Variants in PPFIA2 observed in about 807,000 individuals in gnomAD.
The protein encoded by PPFIA2 is liprin-alpha-2.
In PPFIA2, 46 loss-of-function variants were observed where a neutral mutation model predicts 175.5. That is an observed-to-expected ratio of 0.26 (90% CI 0.21 to 0.34). The LOEUF is 0.34. Ranked by LOEUF, PPFIA2 falls within the 10% of genes least tolerant of loss-of-function variation. PPFIA2 has a pLI of 1.00. For synonymous variants in PPFIA2, 568 were observed against 511.4 expected (o/e 1.11, Z -1.49); for missense variants, 1,179 against 1,506.1 (o/e 0.78, Z 3.60).
At chr12:81,506,999 C>T (rs1031567355) in intron 4 of PPFIA2, among the ~76,000 whole-genome samples, 1 of 152,216 alleles carries the variant, frequency 6.6e-6, no homozygotes, top group Non-Finnish European at 1.5e-5. Context: ...TACACACTAA[C>T]TTCCCTCATA....
At chr12:81,548,226 G>A (rs1429458288) in intron 4 of PPFIA2, among the ~76,000 whole-genome samples, 1 of 152,060 alleles carries the variant, frequency 6.6e-6, no homozygotes, top group Non-Finnish European at 1.5e-5. Context: ...TCTATTTACT[G>A]CCTATATAGT....
At chr12:81,669,502 T>A (rs1386956483) in intron 4 of PPFIA2, among the ~76,000 whole-genome samples, 1 of 151,966 alleles carries the variant, frequency 6.6e-6, no homozygotes, top group Non-Finnish European at 1.5e-5. Context: ...CTATGTAAAG[T>A]TTATATTCTA....
At chr12:81,492,658 T>C (rs768677191) in intron 4 of PPFIA2, among the ~76,000 whole-genome samples, 2 of 151,946 alleles carry the variant, frequency 1.3e-5, no homozygotes, top group Non-Finnish European at 2.9e-5. Flanking sequence ...GAAGGAGCCA[T>C]GAAGAGGAGA....
chr12:81,743,411 CAAAAAAAAAAAAAAAAAAAA>C (rs772497730), intron 3 of PPFIA2, among the ~76,000 whole-genome samples: 2 of 24,852 alleles, frequency 8.0e-5, no homozygotes, highest in East Asian at 3.1e-3. Context: ...GACTCCGTCT[CAAAAAAAAAAAAAAAAAAAA>C]AAAAAAAAAA....
chr12:81,467,939 T>C (rs936085984), intron 4 of PPFIA2, among the ~76,000 whole-genome samples: 18 of 152,134 alleles, frequency 1.2e-4, no homozygotes, highest in African/African-American at 3.9e-4. Context: ...TGCTCTAAGT[T>C]TGAGTGGCTG....
chr12:81,556,691 T>C (rs2068931447), intron 4 of PPFIA2, among the ~76,000 whole-genome samples: 1 of 151,660 alleles, frequency 6.6e-6, no homozygotes, highest in African/African-American at 2.4e-5. Context: ...GGTTGTGGAG[T>C]ATTAAAAAAA....
chr12:81,409,805 T>A (rs1357222512), intron 7 of PPFIA2, among the ~76,000 whole-genome samples: 2 of 152,136 alleles, frequency 1.3e-5, no homozygotes, highest in African/African-American at 4.8e-5. Context: ...ACTCACTATG[T>A]ACAAGTACTG....
chr12:81,547,454 C>G (rs1029920885), intron 4 of PPFIA2, among the ~76,000 whole-genome samples: 2 of 151,950 alleles, frequency 1.3e-5, no homozygotes, highest in Admixed American at 1.3e-4. Flanking sequence ...CCACTCACCG[C>G]AACCTCTGCC....
At chr12:81,649,658 G>C (rs1369404854) in intron 4 of PPFIA2, among the ~76,000 whole-genome samples, 1 of 152,018 alleles carries the variant, frequency 6.6e-6, no homozygotes, top group Non-Finnish European at 1.5e-5. Flanking sequence ...CTATCAAATG[G>C]CAACTGGATA....
intron 4 of PPFIA2, among the ~76,000 whole-genome samples, chr12:81,488,117 T>C (rs2059030271): frequency 6.6e-6 from 1 of 151,930 alleles, no homozygotes; most frequent in African/African-American, 2.4e-5. Context: ...GGAGGTTTGA[T>C]GGTCTATATT....
At chr12:81,494,839 C>G (rs2059849523) in intron 4 of PPFIA2, among the ~76,000 whole-genome samples, 1 of 149,360 alleles carries the variant, frequency 6.7e-6, no homozygotes, top group African/African-American at 2.5e-5. Context: ...TAAACTATCA[C>G]AAGGACAAAA....
intron 27 of PPFIA2, among the ~76,000 whole-genome samples, chr12:81,280,922 C>A (rs1334659547): frequency 1.3e-5 from 2 of 151,888 alleles, no homozygotes; most frequent in East Asian, 3.9e-4. Context: ...GTTTATTCTT[C>A]CTAATTTTCT....
intron 4 of PPFIA2, among the ~76,000 whole-genome samples, chr12:81,558,565 C>T (rs1458083183): frequency 3.3e-5 from 5 of 152,100 alleles, no homozygotes; most frequent in Admixed American, 2.6e-4. Context: ...TGGAGACAGC[C>T]CATCCCAGTG....
intron 4 of PPFIA2, among the ~76,000 whole-genome samples, chr12:81,580,985 A>C (rs2074316963): frequency 6.6e-6 from 1 of 151,890 alleles, no homozygotes; most frequent in Non-Finnish European, 1.5e-5. Context: ...AATCTCAACA[A>C]GAGTAATGGT....
chr12:81,674,685 T>C (rs1425892049), intron 4 of PPFIA2, among the ~76,000 whole-genome samples: 1 of 151,952 alleles, frequency 6.6e-6, no homozygotes, highest in African/African-American at 2.4e-5. Flanking sequence ...TTTTTTTTAA[T>C]TTTAAAAAGG....
At chr12:81,747,494 G>A (rs1468610395) in intron 3 of PPFIA2, among the ~76,000 whole-genome samples, 1 of 143,978 alleles carries the variant, frequency 6.9e-6, no homozygotes, top group Non-Finnish European at 1.6e-5. Context: ...TTATTACCCA[G>A]TAAAATTGTG....
intron 4 of PPFIA2, chr12:81,512,210 A>G (rs916532860): frequency 1.7e-5 from 12 of 692,574 alleles, no homozygotes; most frequent in Non-Finnish European, 2.0e-5. Context: ...ATCATCCCTT[A>G]CTTAAAGTCC....
At chr12:81,584,908 A>G (rs185082177) in intron 4 of PPFIA2, among the ~76,000 whole-genome samples, 5 of 70,780 alleles carry the variant, frequency 7.1e-5, no homozygotes, top group East Asian at 4.0e-4. Flanking sequence ...TATATAATAT[A>G]TTATATATTA....
intron 4 of PPFIA2, among the ~76,000 whole-genome samples, chr12:81,556,184 C>T (rs1402574810): frequency 6.6e-6 from 1 of 151,828 alleles, no homozygotes; most frequent in African/African-American, 2.4e-5. Context: ...TTTACTTATT[C>T]ATCAAAATGA....
Sources: gnomAD v4.1 joint callset for allele counts (sites outside exome capture counted in the v4.1 genomes callset) on GRCh38, gnomAD v4.1.1 for gene constraint, MANE v1.5 for transcripts, NCBI Gene and HGNC (gene_info 2026-07-23, HGNC 2026-07-21) for gene names.